The following EYS variants were observed in gnomAD, a reference collection of about 807,000 sequenced individuals.
EYS encodes the protein EGF-like photoreceptor maintenance factor, also known as protein eyes shut homolog.
A neutral mutation model predicts 282.1 loss-of-function variants in EYS; 250 were observed. That is an observed-to-expected ratio of 0.89 (90% CI 0.80 to 0.98). EYS has a LOEUF of 0.98. Among genes scored for constraint, EYS ranks in the 50% least tolerant of loss-of-function variants. The pLI, the probability that EYS is intolerant of heterozygous loss-of-function variation, is 0.00. For missense variants in EYS, 4,016 were observed against 3,709.0 expected (o/e 1.08, Z -2.15); for synonymous variants, 1,355 against 1,282.9 (o/e 1.06, Z -1.20).
At position 64,648,737 on chromosome 6, in the gene EYS, A is replaced by G. The variant is rs115508131; in HGVS notation, c.3444-22492T>C. 7.6e-3 allele frequency among the ~76,000 whole-genome samples: 1,157 copies of G among 152,310 alleles called. 16 individuals are homozygous for G. Among genetic ancestry groups the G allele is most frequent in the Non-Finnish European group, 9.4e-3 (638 of 68,018 alleles). ...AACCGTTCAGAAGGTACAACTACTA[A>G]CTATAATTTAGGAATGGATTCTGGA... On this transcript the variant is annotated intron_variant, in intron 22 of 42. Transcript: ENST00000503581.
At chr6:64,995,718 C>CCA (rs1562292765) in intron 14 of EYS, among the ~76,000 whole-genome samples, 1 of 146,100 alleles carries the variant, frequency 6.8e-6, no homozygotes, top group African/African-American at 2.5e-5. Context: ...TTCTGCTTCC[C>CCA]CCCCGCCCCA....
At chr6:64,853,976 G>T (rs1167551586) in intron 19 of EYS, among the ~76,000 whole-genome samples, 1 of 152,016 alleles carries the variant, frequency 6.6e-6, no homozygotes, top group Non-Finnish European at 1.5e-5. Context: ...AGACATTTAT[G>T]CAGCCAACAG....
chr6:65,438,290 T>C (rs1254614483), intron 5 of EYS, among the ~76,000 whole-genome samples: 4 of 152,096 alleles, frequency 2.6e-5, no homozygotes, highest in Non-Finnish European at 5.9e-5. Context: ...AAGTCTTTGC[T>C]ATTGTGAATA....
chr6:64,143,413 G>C (rs931341011), intron 31 of EYS, among the ~76,000 whole-genome samples: 2 of 148,146 alleles, frequency 1.4e-5, no homozygotes, highest in African/African-American at 5.0e-5. Context: ...ATTCTTAGTA[G>C]AGGAGCTTGT....
chr6:65,018,819 T>G (rs965148524), intron 13 of EYS, among the ~76,000 whole-genome samples: 25 of 152,160 alleles, frequency 1.6e-4, no homozygotes, highest in African/African-American at 5.8e-4. Context: ...TGTGTGCATA[T>G]GTTTGCTTGT....
intron 2 of EYS, among the ~76,000 whole-genome samples, chr6:65,587,136 A>G (rs354360): frequency 0.015 from 2,255 of 152,182 alleles, 44 homozygotes; most frequent in African/African-American, 0.05. Flanking sequence ...ATGAAACTAA[A>G]CAGCCAGCTG....
At chr6:64,837,410 G>T (rs560937162) in intron 19 of EYS, among the ~76,000 whole-genome samples, 1 of 151,112 alleles carries the variant, frequency 6.6e-6, no homozygotes, top group African/African-American at 2.4e-5. Flanking sequence ...TTTCCCCTAA[G>T]AACTGAAACA....
intron 22 of EYS, among the ~76,000 whole-genome samples, chr6:64,725,739 T>G (rs1771730593): frequency 6.6e-6 from 1 of 152,016 alleles, no homozygotes; most frequent in East Asian, 1.9e-4. Flanking sequence ...TACTTCATCC[T>G]CAACGTTCAT....
chr6:63,805,667 A>AG (rs1265006666), intron 37 of EYS, among the ~76,000 whole-genome samples: 3 of 152,154 alleles, frequency 2.0e-5, no homozygotes, highest in Non-Finnish European at 4.4e-5. Context: ...CATAATCCCC[A>AG]GGTGTCAAGG....
At chr6:65,419,496 T>A (rs1443328766) in intron 5 of EYS, among the ~76,000 whole-genome samples, 1 of 151,898 alleles carries the variant, frequency 6.6e-6, no homozygotes, top group Non-Finnish European at 1.5e-5. Context: ...TGAGCCTAAA[T>A]TTTGATTCTT....
intron 22 of EYS, among the ~76,000 whole-genome samples, chr6:64,804,122 C>G (rs1764353169): frequency 6.6e-6 from 1 of 152,144 alleles, no homozygotes; most frequent in Non-Finnish European, 1.5e-5. Flanking sequence ...TCAAAATTAT[C>G]TGGAGGTATG....
intron 26 of EYS, among the ~76,000 whole-genome samples, chr6:64,582,815 T>C (rs1349279696): frequency 6.6e-6 from 1 of 152,130 alleles, no homozygotes; most frequent in Non-Finnish European, 1.5e-5. Flanking sequence ...TCTGGAATAG[T>C]ACAAACTAGC....
chr6:64,999,855 C>A (rs1391332692), intron 13 of EYS, among the ~76,000 whole-genome samples: 1 of 152,130 alleles, frequency 6.6e-6, no homozygotes, highest in African/African-American at 2.4e-5. Flanking sequence ...ACCCCAACTC[C>A]AAGGGAAAAC....
intron 12 of EYS, among the ~76,000 whole-genome samples, chr6:65,135,764 G>C (rs769418969): frequency 1.5e-4 from 23 of 151,842 alleles, no homozygotes; most frequent in Non-Finnish European, 2.1e-4. Context: ...TGGAATTTTA[G>C]TAGTGACCAT....
intron 12 of EYS, among the ~76,000 whole-genome samples, chr6:65,121,014 T>C (rs1436711651): frequency 6.6e-6 from 1 of 152,146 alleles, no homozygotes; most frequent in Non-Finnish European, 1.5e-5. Context: ...CCTGATATTG[T>C]ACATTCATTG....
In EYS at chr6:65,626,795, A is replaced by G. The variant is rs1054591400; in HGVS notation, c.-333+12983T>C. The stretch of plus-strand genomic sequence containing the variant: ...ATTAATAATGATAATAATAGTAATA[A>G]TAGATATATATTGACTATGTGTGTG... On this transcript the variant is annotated intron_variant, in intron 2 of 42. Coordinates refer to ENST00000503581, the MANE Select transcript of EYS (RefSeq NM_001142800.2). 5.1e-4 allele frequency among the ~76,000 whole-genome samples: 78 copies of G among 152,014 alleles called. 1 individual carries two copies. Among genetic ancestry groups the G allele is most frequent in the African/African-American group, 1.8e-3 (76 of 41,474 alleles).
intron 19 of EYS, among the ~76,000 whole-genome samples, chr6:64,828,078 A>T (rs1322835728): frequency 6.6e-6 from 1 of 151,950 alleles, no homozygotes; most frequent in African/African-American, 2.4e-5. Context: ...AAACTATAAA[A>T]ATATTCAAAT....
chr6:64,465,956 C>T (rs1024382202), intron 26 of EYS, among the ~76,000 whole-genome samples: 4 of 152,008 alleles, frequency 2.6e-5, no homozygotes, highest in African/African-American at 9.7e-5. Flanking sequence ...CATGAATAGA[C>T]TCTTCTTAAA....
At chr6:64,010,058 G>A (rs1284344040) in intron 33 of EYS, among the ~76,000 whole-genome samples, 2 of 151,380 alleles carry the variant, frequency 1.3e-5, no homozygotes, top group Non-Finnish European at 2.9e-5. Flanking sequence ...TAACTCTGGG[G>A]GGTGGGGCTG....
Sources: allele counts gnomAD v4.1 joint callset (sites outside exome capture counted in the v4.1 genomes callset), GRCh38; gene constraint gnomAD v4.1.1; transcripts MANE v1.5; gene names NCBI Gene and HGNC (gene_info 2026-07-23, HGNC 2026-07-21).